FREM2: variants seen among roughly 807,000 people sequenced by gnomAD.
The protein encoded by FREM2 is FRAS1-related extracellular matrix protein 2.
FREM2 carries 119 observed loss-of-function variants against 219.9 expected under a neutral mutation model. The ratio of observed to expected loss-of-function variants is 0.54; its 90% CI spans 0.47 to 0.63. The LOEUF (loss-of-function observed/expected upper bound fraction) is 0.63. Ranked by LOEUF, FREM2 falls within the 30% of genes least tolerant of loss-of-function variation. The pLI, the probability that FREM2 is intolerant of heterozygous loss-of-function variation, is 0.00. For missense variants in FREM2, 4,030 were observed against 3,993.6 expected (o/e 1.01, Z -0.25); for synonymous variants, 1,562 against 1,522.8 (o/e 1.03, Z -0.60).
intron 6 of FREM2, among the ~76,000 whole-genome samples, chr13:38,819,558 A>G (rs1287037954): frequency 6.6e-6 from 1 of 152,132 alleles, no homozygotes. Context: ...TGGTTTTAGG[A>G]TATCAAGGTT....
At chr13:38,865,593 A>G (rs7328953) in intron 16 of FREM2, among the ~76,000 whole-genome samples, 11,460 of 152,272 alleles carry the variant, frequency 0.075, 723 homozygotes, top group Admixed American at 0.18. Flanking sequence ...AGAAAAAACT[A>G]GATAACTAGT....
Position 38,859,367 on chromosome 13 carries a change from G to T in FREM2, c.7296G>T (p.Arg2432=). ...ASENINDTLT[R]YRWLISAPAG... is the part of the protein sequence containing the mutation. Reference sequence around the variant, plus strand: ...AGAACATCAATGACACTTTGACGCGGTACCGGTGGCTGATTAGTGCACCTG... The same window carrying T: ...AGAACATCAATGACACTTTGACGCGTTACCGGTGGCTGATTAGTGCACCTG... The change falls in exon 14 of 24, where the codon CGG becomes CGT. Residue 2432 remains arginine (R), a synonymous_variant. Transcript: ENST00000280481. The T allele has an allele frequency of 6.2e-7, 1 of 1,614,164 alleles. No individual in the cohort carries two copies. The highest frequency in any genetic ancestry group is 2.2e-5 in the East Asian group (1 of 44,880).
intron 2 of FREM2, among the ~76,000 whole-genome samples, chr13:38,718,209 A>G (rs1871088066): frequency 6.6e-6 from 1 of 152,212 alleles, no homozygotes; most frequent in Non-Finnish European, 1.5e-5. Flanking sequence ...ATTCCACTGT[A>G]TGACTACCTT....
chr13:38,765,713 C>A (rs1186382111), intron 3 of FREM2, among the ~76,000 whole-genome samples: 1 of 151,092 alleles, frequency 6.6e-6, no homozygotes, highest in African/African-American at 2.4e-5. Context: ...TTTTAAAATT[C>A]TTTTTTTTTC....
At chr13:38,860,751 T>C (rs1877732109) in intron 14 of FREM2, among the ~76,000 whole-genome samples, 1 of 152,208 alleles carries the variant, frequency 6.6e-6, no homozygotes, top group Non-Finnish European at 1.5e-5. Context: ...GAAACCCCAC[T>C]ATTTTCCTAA....
chr13:38,734,284 T>A (rs1368498930), intron 2 of FREM2, among the ~76,000 whole-genome samples: 2 of 152,196 alleles, frequency 1.3e-5, no homozygotes, highest in Non-Finnish European at 2.9e-5. Flanking sequence ...TACTAAGATT[T>A]ACATGTTCCA....
At chr13:38,876,588 CAG>C (rs1878350072) in intron 20 of FREM2, among the ~76,000 whole-genome samples, 1 of 152,116 alleles carries the variant, frequency 6.6e-6, no homozygotes, top group Non-Finnish European at 1.5e-5. Flanking sequence ...ATGTAAAATT[CAG>C]AGTTTAAATG....
At position 38,885,342 on chromosome 13, in the gene FREM2, C is replaced by T. The variant is rs761397377; in HGVS notation, c.*4555C>T. The T allele has an allele frequency of 2.0e-5, 3 of 152,074 alleles. No individual in the cohort carries two copies. Among genetic ancestry groups the T allele is most frequent in the East Asian group, 1.9e-4 (1 of 5,190 alleles). 9.4% of individuals were successfully genotyped at this position (152,074 alleles called of 1,614,324 possible). A position where few individuals can be genotyped will look rare whatever the true frequency, so the allele number is the denominator to read the frequency against. On this transcript the variant is annotated 3_prime_UTR_variant, in exon 24 of 24. Transcript: ENST00000280481. Reference sequence around the variant, plus strand: ...AAACTTTTGAACAGCAGTAATAGCTCCTTAGACACTCAGTATCTTTCTTCC... The same window carrying T: ...AAACTTTTGAACAGCAGTAATAGCTTCTTAGACACTCAGTATCTTTCTTCC...
At chr13:38,696,833 G>T (rs1325058163) in intron 1 of FREM2, among the ~76,000 whole-genome samples, 2 of 150,150 alleles carry the variant, frequency 1.3e-5, no homozygotes, top group African/African-American at 4.9e-5. Context: ...TTTGAGACAG[G>T]GTCTCATTCT....
At chr13:38,773,432 C>G (rs1474580745) in intron 4 of FREM2, among the ~76,000 whole-genome samples, 1 of 152,104 alleles carries the variant, frequency 6.6e-6, no homozygotes, top group South Asian at 2.1e-4. Context: ...ACTCTGTCGC[C>G]CAGGCTTGAG....
intron 2 of FREM2, among the ~76,000 whole-genome samples, chr13:38,742,336 A>G (rs1028093354): frequency 2.0e-5 from 3 of 152,244 alleles, no homozygotes; most frequent in Non-Finnish European, 4.4e-5. Flanking sequence ...GGATTATGAA[A>G]GTGAGAATGA....
rs1265124405 is a variant in FREM2 at position 38,692,225 on chromosome 13, C to A, written c.4881C>A (p.Asp1627Glu). ...SFTVTDGTHT[D>E]FYVFPDTVFE... ...CAGTGACTGATGGCACCCATACAGA[C>A]TTCTATGTTTTTCCTGATACGGTGT... The change falls in exon 1 of 24, where the codon GAC becomes GAA. Residue 1627 changes from aspartate to glutamate, a missense_variant. Physicochemically the swap from Asp to Glu is conservative, Grantham distance 45. Around this residue, in one of 2 missense-constraint regions of FREM2, gnomAD observed 3,102 missense variants for 2,950.7 expected, o/e 1.05. Coordinates refer to ENST00000280481, the MANE Select transcript of FREM2 (RefSeq NM_207361.6). 1 of 1,614,166 alleles carries A rather than the reference C, an allele frequency of 6.2e-7. No homozygotes were observed. The highest frequency in any genetic ancestry group is 8.5e-7 in the Non-Finnish European group (1 of 1,180,018).
rs1490444282 is a variant in FREM2 at position 38,872,727 on chromosome 13, AT to A, written c.7984-11del. 6.2e-7 allele frequency: 1 copy of A among 1,611,904 alleles called. No homozygotes were observed. Among genetic ancestry groups the A allele is most frequent in the East Asian group, 2.2e-5 (1 of 44,878 alleles). ...ACACTGAGTCATGTTGATTGATGTA[AT>A]TTTGTTGTTTTAGGTCCTAAACCTA... On this transcript the variant is annotated splice_polypyrimidine_tract_variant and intron_variant, in intron 16 of 23. Transcript: ENST00000280481.
rs146205390 is a variant in FREM2, at chr13:38,707,946, G to A, written c.5263+10159G>A. On this transcript the variant is annotated intron_variant, in intron 2 of 23. Transcript: ENST00000280481. ...TCAGGGTCATTTTGTTTCACCATCC[G>A]TGTCCACCCAGGTGCTAAATCCAGG... is the stretch of plus-strand genomic sequence containing the variant. Among the ~76,000 whole-genome samples the A allele has an allele frequency of 2.3e-3, 356 of 152,172 alleles. 5 individuals are homozygous for A. Among genetic ancestry groups the A allele is most frequent in the African/African-American group, 7.9e-3 (328 of 41,506 alleles).
In FREM2 at chr13:38,876,150, G is replaced by A. The variant is rs989161115; in HGVS notation, c.8409+1G>A. On this transcript the variant is annotated splice_donor_variant, in intron 19 of 23. Transcript: ENST00000280481. LOFTEE classifies it high-confidence loss of function. ...GTGGAGCTTTGTCTCTGACTTTGCC[G>A]TAAGTGACTAAGACTCTTAATTAAT... The A allele has an allele frequency of 3.7e-6, 6 of 1,614,078 alleles. No individual in the cohort carries two copies. The highest frequency in any genetic ancestry group is 5.1e-6 in the Non-Finnish European group (6 of 1,180,006).
chr13:38,695,567 G>A (rs1056464027), intron 1 of FREM2, among the ~76,000 whole-genome samples: 1 of 152,170 alleles, frequency 6.6e-6, no homozygotes, highest in African/African-American at 2.4e-5. Flanking sequence ...TTTTCTCCTA[G>A]TAGAGCCTTT....
At chr13:38,877,030 T>C (rs1167259220) in intron 20 of FREM2, 87 bp from the exon 21 acceptor site, 2 of 1,404,624 alleles carry the variant, frequency 1.4e-6, no homozygotes, top group South Asian at 2.3e-5. Flanking sequence ...TTCTACAGTG[T>C]ACGGTGAATG....
intron 2 of FREM2, among the ~76,000 whole-genome samples, chr13:38,734,669 A>G (rs537153778): frequency 3.9e-5 from 6 of 152,124 alleles, no homozygotes; most frequent in African/African-American, 1.4e-4. Context: ...CATATTAAAT[A>G]ACATTTTAAT....
chr13:38,848,946 T>C (rs1593443955), intron 8 of FREM2, among the ~76,000 whole-genome samples: 1 of 152,138 alleles, frequency 6.6e-6, no homozygotes, highest in South Asian at 2.1e-4. Context: ...AAGATGGCCA[T>C]GTTGTCCCTA....
Sources: gnomAD v4.1 joint callset for allele counts (sites outside exome capture counted in the v4.1 genomes callset) on GRCh38, gnomAD v4.1.1 for gene constraint, gnomAD v4.1.1 regional missense constraint, MANE v1.5 for transcripts, NCBI Gene and HGNC (gene_info 2026-07-23, HGNC 2026-07-21) for gene names.